The following SEMA3D variants were observed in gnomAD, a reference collection of about 807,000 sequenced individuals.
The protein encoded by SEMA3D is semaphorin-3D.
A neutral mutation model predicts 100.1 loss-of-function variants in SEMA3D; 84 were observed. The ratio of observed to expected loss-of-function variants is 0.84; its 90% CI spans 0.70 to 1.01. SEMA3D has a LOEUF of 1.01. Ranked by LOEUF, SEMA3D falls within the 50% of genes least tolerant of loss-of-function variation. The probability of loss-of-function intolerance (pLI) is 0.00; values close to 1 mark genes in which losing one functional copy is unlikely to be tolerated. For missense variants in SEMA3D, 875 were observed against 934.1 expected (o/e 0.94, Z 0.82); for synonymous variants, 312 against 320.7 (o/e 0.97, Z 0.29).
chr7:85,198,229 TTG>T, the SEMA3D span, among the ~76,000 whole-genome samples: 2 of 152,112 alleles, frequency 1.3e-5, no homozygotes, highest in Non-Finnish European at 2.9e-5. Context: ...CGTACAGGTT[TTG>T]TCTGTTTCTT....
At chr7:85,163,011 G>T in intron 1 of SEMA3D, 1 of 929,622 alleles carries the variant, frequency 1.1e-6, no homozygotes, top group Non-Finnish European at 1.3e-6. Context: ...GAGCTAACGA[G>T]AAGGAAAGAC....
At chr7:85,245,657 A>T in the SEMA3D span, among the ~76,000 whole-genome samples, 4 of 152,304 alleles carry the variant, frequency 2.6e-5, 1 homozygote, top group African/African-American at 9.6e-5. Flanking sequence ...ACTAACAAAG[A>T]TAAGCCGATT....
chr7:85,052,264 A>G (rs1056196035), intron 9 of SEMA3D, among the ~76,000 whole-genome samples: 6 of 151,874 alleles, frequency 4.0e-5, no homozygotes, highest in Non-Finnish European at 8.8e-5. Context: ...ATATTTACCT[A>G]TCTTGTCACT....
rs770915749 is a variant in SEMA3D, at chr7:85,022,434, G to A, written c.1371C>T (p.Val457=). ...CATCGTACTGGCCATCTTCTGCAAT[G>A]ACATGATCCACCACTATCTGTGTCA... is the stretch of plus-strand genomic sequence containing the variant. ...YRLTQIVVDH[V]IAEDGQYDVM... The change falls in exon 13 of 19, where the codon GTC becomes GTT. Residue 457 remains valine, a synonymous_variant. Transcript: ENST00000284136. The A allele has an allele frequency of 6.2e-7, 1 of 1,612,330 alleles. No homozygotes were observed. Among genetic ancestry groups the A allele is most frequent in the East Asian group, 2.2e-5 (1 of 44,796 alleles).
At position 84,999,428 on chromosome 7, in the gene SEMA3D, T is replaced by A; in HGVS notation, c.*12A>T. On this transcript the variant is annotated 3_prime_UTR_variant, in exon 19 of 19. Coordinates refer to ENST00000284136, the MANE Select transcript of SEMA3D (RefSeq NM_001384900.1). The stretch of plus-strand genomic sequence containing the variant: ...TAGGTAAGGAATTCTTTTCTTTAAA[T>A]TAAGTAGAAAACTACGTGGCTACAG... The A allele has an allele frequency of 1.9e-6, 3 of 1,607,274 alleles. No individual in the cohort carries two copies. Among genetic ancestry groups the A allele is most frequent in the Non-Finnish European group, 2.6e-6 (3 of 1,175,644 alleles).
At chr7:85,084,365 C>T (rs959874303) in intron 4 of SEMA3D, among the ~76,000 whole-genome samples, 4 of 152,086 alleles carry the variant, frequency 2.6e-5, no homozygotes, top group African/African-American at 9.7e-5. Context: ...TGTTGTGCAG[C>T]CAATCTCTAG....
chr7:85,144,720 T>C lies in SEMA3D; in HGVS notation c.-41+8888A>G, dbSNP rs909398396. 4.1e-6 allele frequency: 4 copies of C among 974,956 alleles called. No homozygotes were observed. The African/African-American group carries it at 7.0e-5, about 17-fold the overall frequency. 60.4% of individuals were successfully genotyped at this position (974,956 alleles called of 1,614,324 possible). On this transcript the variant is annotated intron_variant, in intron 2 of 18. Coordinates refer to ENST00000284136, the MANE Select transcript of SEMA3D (RefSeq NM_001384900.1). ...TTTGTTCTTATTTGTTCTCTTCCCC[T>C]TGCCTCTAGTATGATATGTCTGAAT...
chr7:85,148,735 T>G (rs897498857), intron 2 of SEMA3D, among the ~76,000 whole-genome samples: 1 of 152,058 alleles, frequency 6.6e-6, no homozygotes, highest in African/African-American at 2.4e-5. Context: ...TTGAAAAAAA[T>G]TAGTTAAATC....
intron 2 of SEMA3D, among the ~76,000 whole-genome samples, chr7:85,135,376 G>A (rs1789829598): frequency 6.6e-6 from 1 of 151,958 alleles, no homozygotes. Flanking sequence ...ATTCAGAAGT[G>A]AGCAAATGCT....
chr7:85,135,703 A>G (rs1366553147), intron 2 of SEMA3D, among the ~76,000 whole-genome samples: 1 of 150,656 alleles, frequency 6.6e-6, no homozygotes, highest in Non-Finnish European at 1.5e-5. Context: ...AGAAAAAATT[A>G]GAAAAAATTA....
chr7:85,121,220 A>C (rs922245455), intron 3 of SEMA3D, among the ~76,000 whole-genome samples: 2 of 152,192 alleles, frequency 1.3e-5, no homozygotes, highest in Admixed American at 6.5e-5. Context: ...CTTTTATATC[A>C]AACATTTAAA....
At chr7:85,064,208 C>A (rs1791551621) in intron 8 of SEMA3D, among the ~76,000 whole-genome samples, 1 of 152,066 alleles carries the variant, frequency 6.6e-6, no homozygotes, top group African/African-American at 2.4e-5. Flanking sequence ...TCTTATACTT[C>A]ATTTTAAGCC....
rs1789479319 is a variant in SEMA3D at position 84,995,665 on chromosome 7, C to G, written c.*3775G>C. Reference sequence around the variant, plus strand: ...CAAGACTACATTTCTTTTAAAATAGCAGAATTATAAATTCAAAATTGATTG... The same window carrying G: ...CAAGACTACATTTCTTTTAAAATAGGAGAATTATAAATTCAAAATTGATTG... On this transcript the variant is annotated 3_prime_UTR_variant, in exon 19 of 19. Transcript: ENST00000284136. 6.6e-6 allele frequency: 1 copy of G among 151,940 alleles called. No individual in the cohort carries two copies. Among genetic ancestry groups the G allele is most frequent in the Admixed American group, 6.6e-5 (1 of 15,250 alleles). 9.4% of individuals were successfully genotyped at this position (151,940 alleles called of 1,614,324 possible). A position where few individuals can be genotyped will look rare whatever the true frequency, so the allele number is the denominator to read the frequency against.
At chr7:85,055,348 A>C (rs775130887) in intron 9 of SEMA3D, among the ~76,000 whole-genome samples, 2 of 151,992 alleles carry the variant, frequency 1.3e-5, no homozygotes, top group Admixed American at 6.6e-5. Context: ...CAGTGATGTT[A>C]CTGGGAATAG....
chr7:85,177,911 C>A (rs763883974), intron 1 of SEMA3D, among the ~76,000 whole-genome samples: 14 of 152,114 alleles, frequency 9.2e-5, no homozygotes, highest in South Asian at 2.1e-4. Context: ...AATTGTAATA[C>A]CCATGCATTG....
At chr7:85,220,485 T>C in the SEMA3D span, among the ~76,000 whole-genome samples, 1 of 151,988 alleles carries the variant, frequency 6.6e-6, no homozygotes, top group African/African-American at 2.4e-5. Flanking sequence ...GTCAGTCATA[T>C]GATTATCGGG....
intron 8 of SEMA3D, among the ~76,000 whole-genome samples, chr7:85,062,500 A>G (rs1791505636): frequency 6.6e-6 from 1 of 152,220 alleles, no homozygotes; most frequent in Admixed American, 6.5e-5. Flanking sequence ...AATCAAAGAT[A>G]ACTCCAAGGT....
At chr7:85,123,424 A>G (rs1407795017) in intron 2 of SEMA3D, among the ~76,000 whole-genome samples, 2 of 152,104 alleles carry the variant, frequency 1.3e-5, no homozygotes, top group Non-Finnish European at 2.9e-5. Context: ...TTTTATGCCT[A>G]TATTGTTTAG....
chr7:85,027,042 A>G (rs1171865666), intron 12 of SEMA3D, among the ~76,000 whole-genome samples: 2 of 152,082 alleles, frequency 1.3e-5, no homozygotes, highest in Non-Finnish European at 2.9e-5. Context: ...TTATTATCCT[A>G]TGATCTATCT....
Sources: gnomAD v4.1 joint callset for allele counts (sites outside exome capture counted in the v4.1 genomes callset) on GRCh38, gnomAD v4.1.1 for gene constraint, MANE v1.5 for transcripts, NCBI Gene and HGNC (gene_info 2026-07-23, HGNC 2026-07-21) for gene names.